Variants in NLGN1 observed in about 807,000 individuals in gnomAD.
The protein encoded by NLGN1 is neuroligin-1.
In NLGN1, 12 loss-of-function variants were observed where a neutral mutation model predicts 65.5. The observed-to-expected ratio is 0.18, with a 90% CI of 0.12 to 0.30. NLGN1 has a LOEUF of 0.30. Ranked by LOEUF, NLGN1 falls within the 10% of genes least tolerant of loss-of-function variation. The pLI is 1.00. For synonymous variants in NLGN1, 350 were observed against 359.5 expected, an observed-to-expected ratio of 0.97 and a Z score of 0.30; for missense variants, 750 against 1,007.1, an observed-to-expected ratio of 0.74 and a Z score of 3.46.
At chr3:173,530,422 A>G (rs186387014) in intron 2 of NLGN1, among the ~76,000 whole-genome samples, 8 of 152,310 alleles carry the variant, frequency 5.3e-5, no homozygotes, top group African/African-American at 1.9e-4. Flanking sequence ...TGGATGAATG[A>G]AACAGAAGTT....
At chr3:173,989,551 G>A (rs1165104097) in intron 4 of NLGN1, among the ~76,000 whole-genome samples, 1 of 152,122 alleles carries the variant, frequency 6.6e-6, no homozygotes, top group African/African-American at 2.4e-5. Context: ...CAATCTAGGA[G>A]TCTCCTGTAA....
At chr3:173,947,991 C>G (rs532855286) in intron 4 of NLGN1, among the ~76,000 whole-genome samples, 10 of 152,288 alleles carry the variant, frequency 6.6e-5, no homozygotes, top group Admixed American at 4.6e-4. Context: ...TAACCATGTT[C>G]ATTTGCTTCT....
chr3:173,773,664 A>G (rs151156416), intron 3 of NLGN1, among the ~76,000 whole-genome samples: 244 of 152,310 alleles, frequency 1.6e-3, no homozygotes, highest in African/African-American at 5.6e-3. Flanking sequence ...ATTCTTTTCA[A>G]TGCTGGAGAT....
At chr3:173,890,541 A>G (rs1262119910) in intron 4 of NLGN1, among the ~76,000 whole-genome samples, 2 of 152,168 alleles carry the variant, frequency 1.3e-5, no homozygotes, top group Admixed American at 1.3e-4. Context: ...TGAAGATATA[A>G]ATGTGTGAAA....
intron 2 of NLGN1, among the ~76,000 whole-genome samples, chr3:173,576,363 A>G (rs556539079): frequency 6.6e-6 from 1 of 152,310 alleles, no homozygotes; most frequent in African/African-American, 2.4e-5. Flanking sequence ...CACAAATTTA[A>G]TGGCTAAAAA....
In NLGN1 at chr3:173,924,217, T is replaced by C. The variant is rs111290942; in HGVS notation, c.646+116385T>C. 4.7e-3 allele frequency among the ~76,000 whole-genome samples: 715 copies of C among 152,274 alleles called. 7 individuals carry two copies. The highest frequency in any genetic ancestry group is 0.015 in the African/African-American group (618 of 41,582). ...ATTTTACAAAAACCTGAAAGAGATA[T>C]ATTAACAATTTTGCCATCACAGGAA... On this transcript the variant is annotated intron_variant, in intron 4 of 6. Coordinates refer to ENST00000457714, the Ensembl canonical transcript of NLGN1.
intron 3 of NLGN1, among the ~76,000 whole-genome samples, chr3:173,611,672 A>C (rs1164074735): frequency 3.3e-5 from 5 of 152,098 alleles, no homozygotes; most frequent in African/African-American, 1.2e-4. Flanking sequence ...GAAATGAAGT[A>C]GATCTAAAGG....
intron 2 of NLGN1, among the ~76,000 whole-genome samples, chr3:173,600,320 C>G (rs3866707): frequency 0.87 from 132,252 of 151,926 alleles, 57,663 homozygotes; most frequent in South Asian, 0.93. Flanking sequence ...AGGATCCACT[C>G]TATATTGTAT....
intron 2 of NLGN1, among the ~76,000 whole-genome samples, chr3:173,589,868 A>G (rs561852825): frequency 6.6e-6 from 1 of 152,284 alleles, no homozygotes; most frequent in East Asian, 1.9e-4. Flanking sequence ...AAATGAATTG[A>G]AAATTGTCAT....
intron 4 of NLGN1, among the ~76,000 whole-genome samples, chr3:173,945,438 C>T (rs545057356): frequency 1.4e-4 from 21 of 152,054 alleles, no homozygotes; most frequent in Middle Eastern, 3.4e-3. Flanking sequence ...CTTTTCTTGT[C>T]ATTATTTGCA....
chr3:173,878,040 A>AT (rs909373645), intron 4 of NLGN1, among the ~76,000 whole-genome samples: 54 of 149,906 alleles, frequency 3.6e-4, no homozygotes, highest in Non-Finnish European at 6.2e-4. Context: ...CTTGAGAATT[A>AT]TTTTTTTTTT....
intron 4 of NLGN1, among the ~76,000 whole-genome samples, chr3:174,078,741 C>G (rs1236881023): frequency 6.6e-6 from 1 of 152,104 alleles, no homozygotes; most frequent in African/African-American, 2.4e-5. Flanking sequence ...GCCATAGTCT[C>G]TGAAAAAGAA....
intron 4 of NLGN1, among the ~76,000 whole-genome samples, chr3:174,155,957 A>G (rs1329001664): frequency 1.3e-5 from 2 of 151,952 alleles, no homozygotes; most frequent in African/African-American, 4.8e-5. Flanking sequence ...ATCTAGCTAC[A>G]ATACTTTGAA....
intron 4 of NLGN1, among the ~76,000 whole-genome samples, chr3:173,920,035 G>A (rs1156569976): frequency 6.6e-6 from 1 of 151,978 alleles, no homozygotes; most frequent in Non-Finnish European, 1.5e-5. Context: ...ACTGCCCAGA[G>A]CAGGGTTGAG....
chr3:173,495,275 C>A (rs1418829808), intron 2 of NLGN1, among the ~76,000 whole-genome samples: 1 of 151,588 alleles, frequency 6.6e-6, no homozygotes, highest in Non-Finnish European at 1.5e-5. Flanking sequence ...TTTTAAATTT[C>A]ATAGTTCAGT....
At position 173,474,689 on chromosome 3, in the gene NLGN1, G is replaced by A. The variant is rs951422527; in HGVS notation, c.-321+39611G>A. Among the ~76,000 whole-genome samples the A allele has an allele frequency of 3.3e-5, 5 of 152,262 alleles. No individual in the cohort carries two copies. In the South Asian group the frequency reaches 8.3e-4, roughly 25 times the overall value. On this transcript the variant is annotated intron_variant, in intron 2 of 6. Coordinates refer to ENST00000457714, the Ensembl canonical transcript of NLGN1. ...AATGGCAGAAGTTGGGCTGGGTGCA[G>A]TTGCTCACAACTGTAATCCTAGCAC...
chr3:173,600,193 ATGTGTGT>A (rs753521931), intron 2 of NLGN1, among the ~76,000 whole-genome samples: 118,990 of 145,534 alleles, frequency 0.82, 48,071 homozygotes, highest in East Asian at 0.91. Context: ...ATGTGTGTAC[ATGTGTGT>A]ACACACACAC....
chr3:174,012,263 A>G (rs966615757), intron 4 of NLGN1, among the ~76,000 whole-genome samples: 15 of 152,148 alleles, frequency 9.9e-5, no homozygotes, highest in African/African-American at 3.6e-4. Flanking sequence ...CTGGCCCTAT[A>G]CATTGCGTAG....
chr3:173,682,503 C>T (rs1017721322), intron 3 of NLGN1, among the ~76,000 whole-genome samples: 1 of 146,448 alleles, frequency 6.8e-6, no homozygotes, highest in African/African-American at 2.5e-5. Context: ...GCAGGAGAAT[C>T]GCTTGAACCC....
Sources: allele counts gnomAD v4.1 joint callset (sites outside exome capture counted in the v4.1 genomes callset), GRCh38; gene constraint gnomAD v4.1.1; transcripts MANE v1.5; gene names NCBI Gene and HGNC (gene_info 2026-07-23, HGNC 2026-07-21).